The following DDI2 variants were observed in gnomAD, a reference collection of about 807,000 sequenced individuals.
DDI2 encodes protein DDI1 homolog 2.
DDI2 carries 5 observed loss-of-function variants against 48.1 expected under a neutral mutation model. That is an observed-to-expected ratio of 0.10 (90% CI 0.05 to 0.22). The LOEUF is 0.22. Among genes scored for constraint, DDI2 ranks in the 10% least tolerant of loss-of-function variants. The pLI, the probability that DDI2 is intolerant of heterozygous loss-of-function variation, is 1.00. For synonymous variants in DDI2, 205 were observed against 183.6 expected (o/e 1.12, Z -0.94); for missense variants, 285 against 506.2 (o/e 0.56, Z 4.19).
At chr1:15,659,748 T>A in intron 9 of DDI2, 89 bp from the exon 10 acceptor site, 1 of 1,349,052 alleles carries the variant, frequency 7.4e-7, no homozygotes, top group Non-Finnish European at 9.8e-7. Context: ...TATTTTATTC[T>A]ACGCTGTTTA....
intron 1 of DDI2, among the ~76,000 whole-genome samples, chr1:15,622,540 A>G (rs562975181): frequency 6.6e-6 from 1 of 152,310 alleles, no homozygotes; most frequent in South Asian, 2.1e-4. Context: ...TTGCTGATTA[A>G]GACTCATAGC....
chr1:15,626,577 T>C, intron 1 of DDI2, 92 bp from the exon 2 acceptor site: 1 of 1,546,552 alleles, frequency 6.5e-7, no homozygotes, highest in East Asian at 2.3e-5. Context: ...GAAAGGAGGG[T>C]GACATCTGAT....
intron 9 of DDI2, 70 bp from the exon 10 acceptor site, chr1:15,659,767 T>G (rs1335948787): frequency 6.9e-7 from 1 of 1,441,538 alleles, no homozygotes; most frequent in East Asian, 2.3e-5. Flanking sequence ...TAGATTTGTA[T>G]CCTCTGGTAA....
chr1:15,624,425 G>A (rs1306631340), intron 1 of DDI2, among the ~76,000 whole-genome samples: 1 of 152,036 alleles, frequency 6.6e-6, no homozygotes, highest in Non-Finnish European at 1.5e-5. Context: ...TGGGATGATG[G>A]GAGTGACAGT....
intron 5 of DDI2, among the ~76,000 whole-genome samples, chr1:15,640,478 G>C (rs761637057): frequency 6.6e-6 from 1 of 152,182 alleles, no homozygotes; most frequent in Non-Finnish European, 1.5e-5. Context: ...TCAGCCCCAG[G>C]TCCCCTTGAT....
intron 3 of DDI2, 94 bp from the exon 4 acceptor site, chr1:15,633,345 C>A: frequency 1.4e-6 from 2 of 1,432,028 alleles, no homozygotes; most frequent in South Asian, 1.3e-5. Context: ...GCATCTCTTA[C>A]AGATGTAGTT....
Position 15,665,262 on chromosome 1 carries a change from C to CAAA in DDI2, c.*5488_*5490dup, listed in dbSNP as rs1220947128. On this transcript the variant is annotated 3_prime_UTR_variant, in exon 10 of 10. Coordinates refer to ENST00000480945, the MANE Select transcript of DDI2 (RefSeq NM_032341.5). ...GGGCAACAAGAGCAAAACTCTGTCT[C>CAAA]AAAAAAAAAAAAAAAAAAGGTAACC... 5.8e-3 allele frequency: 559 copies of CAAA among 95,890 alleles called. 6 individuals are homozygous for CAAA. Among genetic ancestry groups the CAAA allele is most frequent in the Middle Eastern group, 7.0e-3 (1 of 142 alleles). The allele number at this position is 95,890 out of a possible 1,614,324, so 5.9% of individuals were successfully genotyped here.
intron 5 of DDI2, 118 bp from the exon 6 acceptor site, chr1:15,643,404 G>A (rs1179976040): frequency 7.0e-7 from 1 of 1,426,252 alleles, no homozygotes; most frequent in Admixed American, 2.4e-5. Context: ...TGAGTTTATA[G>A]AGACCAAAGC....
intron 8 of DDI2, among the ~76,000 whole-genome samples, chr1:15,653,743 C>T (rs112271410): frequency 1.3e-3 from 200 of 152,144 alleles, no homozygotes; most frequent in South Asian, 9.4e-3. Context: ...GCAATCCACC[C>T]GCCTCAGCCT....
At position 15,663,687 on chromosome 1, in the gene DDI2, A is replaced by G. The variant is rs565234802; in HGVS notation, c.*3897A>G. On this transcript the variant is annotated 3_prime_UTR_variant, in exon 10 of 10. Transcript: ENST00000480945. ...TGATTGTAATTAAATAGTTGGTGCT[A>G]TGATTGATGCAAAATCTAGTAGCAA... 1 of 151,490 alleles carries G rather than the reference A, an allele frequency of 6.6e-6. No homozygotes were observed. Among genetic ancestry groups the G allele is most frequent in the African/African-American group, 2.4e-5 (1 of 41,368 alleles). The allele number at this position is 151,490 out of a possible 1,614,324, so 9.4% of individuals were successfully genotyped here.
rs1247743649 is a variant in DDI2, at chr1:15,664,895, A to G, written c.*5105A>G. The G allele has an allele frequency of 6.6e-6, 1 of 152,158 alleles. No individual in the cohort carries two copies. The highest frequency in any genetic ancestry group is 2.4e-5 in the African/African-American group (1 of 41,434). 9.4% of individuals were successfully genotyped at this position (152,158 alleles called of 1,614,324 possible). On this transcript the variant is annotated 3_prime_UTR_variant, in exon 10 of 10. Coordinates refer to ENST00000480945, the MANE Select transcript of DDI2 (RefSeq NM_032341.5). The stretch of plus-strand genomic sequence containing the variant: ...ATGCTGTTAAGAATTATTTCCACTC[A>G]TACCTGTTCAGGGCTCCAGACAGCC...
intron 6 of DDI2, among the ~76,000 whole-genome samples, chr1:15,646,529 A>G (rs1640094439): frequency 6.6e-6 from 1 of 152,104 alleles, no homozygotes; most frequent in Non-Finnish European, 1.5e-5. Context: ...TCTACTAAAA[A>G]TACAAAAATT....
chr1:15,633,466 A>G lies in DDI2; in HGVS notation c.533A>G (p.Gln178Arg). Residue 178 changes from glutamine to arginine, a missense_variant, in exon 4 of 10, where the codon CAG (glutamine) becomes CGG (arginine). Coordinates refer to ENST00000480945, the MANE Select transcript of DDI2 (RefSeq NM_032341.5). Reference protein sequence around the residue: ...LEKFSRVLVEQQQDRARREQE... With the variant: ...LEKFSRVLVERQQDRARREQE... The stretch of plus-strand genomic sequence containing the variant: ...AAATTTTCTAGAGTCCTGGTGGAGC[A>G]GCAGCAGGACCGAGCCCGGAGAGAG... 6.2e-7 allele frequency: 1 copy of G among 1,613,640 alleles called. No homozygotes were observed. The highest frequency in any genetic ancestry group is 8.5e-7 in the Non-Finnish European group (1 of 1,179,708).
chr1:15,648,625 CAATGAGAGG>C (rs1195367705), intron 6 of DDI2, among the ~76,000 whole-genome samples: 1 of 151,994 alleles, frequency 6.6e-6, no homozygotes, highest in African/African-American at 2.4e-5. Context: ...GAACATTGAT[CAATGAGAGG>C]AAGTCTTACA....
intron 5 of DDI2, among the ~76,000 whole-genome samples, chr1:15,640,292 T>C (rs1639987682): frequency 6.6e-6 from 1 of 152,190 alleles, no homozygotes. Flanking sequence ...TACTCAATTT[T>C]ATTTCATCCT....
intron 6 of DDI2, among the ~76,000 whole-genome samples, chr1:15,649,120 T>C (rs771330962): frequency 2.0e-5 from 3 of 152,068 alleles, no homozygotes; most frequent in Non-Finnish European, 4.4e-5. Context: ...TCCCAGCACG[T>C]TGGGAGGCCA....
At chr1:15,655,524 G>A (rs1047842137) in intron 8 of DDI2, among the ~76,000 whole-genome samples, 2 of 151,908 alleles carry the variant, frequency 1.3e-5, no homozygotes, top group African/African-American at 4.8e-5. Context: ...GGCTGAGGAA[G>A]GGTGGATCAC....
At chr1:15,617,992 T>TC (rs570954870) in intron 1 of DDI2, among the ~76,000 whole-genome samples, 184 bp downstream of exon 1, 103 of 152,222 alleles carry the variant, frequency 6.8e-4, no homozygotes, top group African/African-American at 2.3e-3. Context: ...CCTCACACAC[T>TC]CCGAGCATGG....
At chr1:15,650,145 G>C (rs1640155208) in intron 7 of DDI2, among the ~76,000 whole-genome samples, 1 of 152,174 alleles carries the variant, frequency 6.6e-6, no homozygotes, top group Non-Finnish European at 1.5e-5. Flanking sequence ...TGACTAAAAA[G>C]TGTGAGTCAA....
Sources: gnomAD v4.1 joint callset for allele counts (sites outside exome capture counted in the v4.1 genomes callset) on GRCh38, gnomAD v4.1.1 for gene constraint, MANE v1.5 for transcripts, NCBI Gene and HGNC (gene_info 2026-07-23, HGNC 2026-07-21) for gene names.